Variants in PPARG observed in about 807,000 individuals in gnomAD.
PPARG encodes peroxisome proliferator activated receptor gamma, also known as peroxisome proliferator-activated receptor gamma.
Under a neutral mutation model 39.2 loss-of-function variants are expected in PPARG, and 17 were observed. The observed-to-expected ratio is 0.43, with a 90% CI of 0.30 to 0.65. The LOEUF (loss-of-function observed/expected upper bound fraction) is 0.65. PPARG is among the 30% of genes least tolerant of loss of function. PPARG has a pLI of 0.13. For synonymous variants in PPARG, 223 were observed against 215.7 expected (o/e 1.03, Z -0.30); for missense variants, 406 against 585.9 (o/e 0.69, Z 3.17).
chr3:12,362,091 A>C (rs1028423119), intron 2 of PPARG, among the ~76,000 whole-genome samples: 2 of 152,166 alleles, frequency 1.3e-5, no homozygotes, highest in African/African-American at 2.4e-5. Flanking sequence ...TGTTGCAAAA[A>C]TAATTTTTAA....
At position 12,431,934 on chromosome 3, in the gene PPARG, A is replaced by C. The variant is rs185383678; in HGVS notation, c.1181-1964A>C. Among the ~76,000 whole-genome samples, 31 of 150,800 alleles carry C rather than the reference A, an allele frequency of 2.1e-4. No homozygotes were observed. In the East Asian group the frequency reaches 5.4e-3, roughly 26 times the overall value. Reference sequence around the variant, plus strand: ...GGCAACAGATTAAGACTCTGTCACAAAAAAAAAAGCGTTAAGTTAAGGAGC... The same window carrying C: ...GGCAACAGATTAAGACTCTGTCACACAAAAAAAAGCGTTAAGTTAAGGAGC... On this transcript the variant is annotated intron_variant, in intron 7 of 7. Coordinates refer to ENST00000651735, the MANE Select transcript of PPARG (RefSeq NM_138711.6).
At chr3:12,409,666 G>A (rs1418559622) in intron 6 of PPARG, among the ~76,000 whole-genome samples, 1 of 152,164 alleles carries the variant, frequency 6.6e-6, no homozygotes, top group African/African-American at 2.4e-5. Context: ...TATACACCCT[G>A]CTTGAGACTG....
chr3:12,323,611 G>A (rs1025086281), intron 2 of PPARG, among the ~76,000 whole-genome samples: 8 of 152,146 alleles, frequency 5.3e-5, no homozygotes, highest in African/African-American at 1.9e-4. Flanking sequence ...ATTAAGTGAA[G>A]TTTATTGTGG....
At chr3:12,364,447 C>G (rs750641313) in intron 2 of PPARG, among the ~76,000 whole-genome samples, 30 of 152,164 alleles carry the variant, frequency 2.0e-4, no homozygotes, top group Non-Finnish European at 4.0e-4. Context: ...AGTTTATCCA[C>G]TCAGCTACTG....
intron 1 of PPARG, 40 bp from the exon 2 acceptor site, chr3:12,312,340 G>A (rs1054713074): frequency 1.2e-4 from 18 of 152,312 alleles, no homozygotes; most frequent in African/African-American, 3.8e-4. Context: ...TTCTGAACAT[G>A]TGTGTATATT....
intron 7 of PPARG, among the ~76,000 whole-genome samples, chr3:12,420,083 T>G (rs576181004): frequency 1.8e-4 from 27 of 152,348 alleles, no homozygotes; most frequent in African/African-American, 5.8e-4. Flanking sequence ...TGCACACTCA[T>G]GTAGATAGAT....
At chr3:12,398,315 T>A (rs1048741393) in intron 5 of PPARG, among the ~76,000 whole-genome samples, 1 of 152,076 alleles carries the variant, frequency 6.6e-6, no homozygotes, top group African/African-American at 2.4e-5. Context: ...CAGTGACCAA[T>A]GAATAAAAGC....
intron 6 of PPARG, among the ~76,000 whole-genome samples, chr3:12,411,683 C>G (rs937549286): frequency 6.6e-6 from 1 of 152,094 alleles, no homozygotes; most frequent in Non-Finnish European, 1.5e-5. Context: ...TTCCGTTTAT[C>G]CATTAGTCAG....
chr3:12,378,862 C>T (rs1254454655), intron 2 of PPARG, among the ~76,000 whole-genome samples: 1 of 152,122 alleles, frequency 6.6e-6, no homozygotes, highest in Non-Finnish European at 1.5e-5. Flanking sequence ...TATTCATACT[C>T]AAAAAGGTAA....
intron 2 of PPARG, among the ~76,000 whole-genome samples, chr3:12,377,066 C>G (rs2049440166): frequency 6.6e-6 from 1 of 152,134 alleles, no homozygotes. Context: ...GTCCAGGTAC[C>G]TATTGCAGAA....
intron 4 of PPARG, among the ~76,000 whole-genome samples, chr3:12,386,160 T>A (rs2049862711): frequency 6.6e-6 from 1 of 152,186 alleles, no homozygotes; most frequent in Non-Finnish European, 1.5e-5. Context: ...AGAGTGTTTC[T>A]TCATCAGTAA....
rs538277932 is a variant in PPARG at position 12,321,109 on chromosome 3, C to T, written c.-9+8656C>T. On this transcript the variant is annotated intron_variant, in intron 2 of 7. Coordinates refer to ENST00000651735, the MANE Select transcript of PPARG (RefSeq NM_138711.6). ...CATCAGTACCCTACCACATATTTAC[C>T]AGGAAAAGCTGACTTTATGCTTAAT... 4.6e-5 allele frequency among the ~76,000 whole-genome samples: 7 copies of T among 152,190 alleles called. No homozygotes were observed. The South Asian group carries it at 1.0e-3, about 23-fold the overall frequency.
intron 2 of PPARG, among the ~76,000 whole-genome samples, chr3:12,357,121 A>G (rs1353650116): frequency 1.3e-5 from 2 of 151,918 alleles, no homozygotes; most frequent in African/African-American, 2.4e-5. Context: ...TAACCTCACA[A>G]CAGCCTAGTC....
chr3:12,321,409 G>T (rs560553989), intron 2 of PPARG, among the ~76,000 whole-genome samples: 354 of 152,112 alleles, frequency 2.3e-3, no homozygotes, highest in African/African-American at 7.6e-3. Context: ...TCATTTTTTT[G>T]ATACACTTCT....
Position 12,406,042 on chromosome 3 carries a change from G to C in PPARG, c.690G>C (p.Lys230Asn). ...YIKSFPLTKA[K>N]ARAILTGKTT... ...AGTCCTTCCCGCTGACCAAAGCAAA[G>C]GCGAGGGCGATCTTGACAGGAAAGA... The change falls in exon 6 of 8, where the codon AAG (lysine) becomes AAC (asparagine). Residue 230 changes from lysine (K) to asparagine (N), a missense_variant. By Grantham distance (94) the Lys-to-Asn change is moderately conservative (BLOSUM62 0). Coordinates refer to ENST00000651735, the MANE Select transcript of PPARG (RefSeq NM_138711.6). 2 of 1,614,134 alleles carry C rather than the reference G, an allele frequency of 1.2e-6. No homozygotes were observed. The highest frequency in any genetic ancestry group is 1.7e-6 in the Non-Finnish European group (2 of 1,180,016).
chr3:12,407,656 T>C lies in PPARG; in HGVS notation c.729+1575T>C, dbSNP rs578066728. Among the ~76,000 whole-genome samples, 10 of 152,322 alleles carry C rather than the reference T, an allele frequency of 6.6e-5. No individual in the cohort carries two copies. In the East Asian group the frequency reaches 9.6e-4, roughly 15 times the overall value. On this transcript the variant is annotated intron_variant, in intron 6 of 7. Transcript: ENST00000651735. ...TGACTTGATAGATATGTGTAACTTTTCCCCTATTCAGATATATTGTTAGGA... is the reference window on the plus strand; with the variant it reads ...TGACTTGATAGATATGTGTAACTTTCCCCCTATTCAGATATATTGTTAGGA...
intron 1 of PPARG, among the ~76,000 whole-genome samples, chr3:12,309,420 T>G (rs2047164470): frequency 6.6e-6 from 1 of 152,338 alleles, no homozygotes; most frequent in East Asian, 1.9e-4. Context: ...GGTGGTTCAT[T>G]ATTTTAATAG....
chr3:12,362,586 C>A (rs1334076953), intron 2 of PPARG, among the ~76,000 whole-genome samples: 1 of 151,632 alleles, frequency 6.6e-6, no homozygotes, highest in Non-Finnish European at 1.5e-5. Flanking sequence ...ACAACAACAA[C>A]AAAATACAGT....
At chr3:12,360,740 GATTA>G (rs2048819883) in intron 2 of PPARG, among the ~76,000 whole-genome samples, 1 of 152,230 alleles carries the variant, frequency 6.6e-6, no homozygotes, top group Non-Finnish European at 1.5e-5. Flanking sequence ...TTATTCGTGA[GATTA>G]ATCACACTAT....
Sources: gnomAD v4.1 joint callset for allele counts (sites outside exome capture counted in the v4.1 genomes callset) on GRCh38, gnomAD v4.1.1 for gene constraint, MANE v1.5 for transcripts, NCBI Gene and HGNC (gene_info 2026-07-23, HGNC 2026-07-21) for gene names.